SDK1: variants seen among roughly 807,000 people sequenced by gnomAD.
The protein encoded by SDK1 is protein sidekick-1.
Under a neutral mutation model 245.5 loss-of-function variants are expected in SDK1, and 157 were observed. The ratio of observed to expected loss-of-function variants is 0.64; its 90% confidence interval spans 0.56 to 0.73. The LOEUF is 0.73. Ranked by LOEUF, SDK1 falls within the 30% of genes least tolerant of loss-of-function variation. The pLI, the probability that SDK1 is intolerant of heterozygous loss-of-function variation, is 0.00. For missense variants in SDK1, 3,583 were observed against 3,002.3 expected (o/e 1.19, Z -4.52); for synonymous variants, 1,647 against 1,278.5 (o/e 1.29, Z -6.15).
chr7:4,142,387 GAC>G (rs1306945855), intron 28 of SDK1, among the ~76,000 whole-genome samples: 2 of 152,054 alleles, frequency 1.3e-5, no homozygotes, highest in Non-Finnish European at 2.9e-5. Context: ...GGAGTGCAGT[GAC>G]GTGATCTCGG....
intron 7 of SDK1, among the ~76,000 whole-genome samples, chr7:3,957,256 G>T (rs947478147): frequency 6.6e-6 from 1 of 152,218 alleles, no homozygotes; most frequent in African/African-American, 2.4e-5. Context: ...TGTTGCATGG[G>T]ACGTGCATGT....
chr7:4,046,208 C>G (rs1007297755), intron 17 of SDK1, among the ~76,000 whole-genome samples: 2 of 152,142 alleles, frequency 1.3e-5, no homozygotes, highest in African/African-American at 4.8e-5. Flanking sequence ...TCCCAAAGTT[C>G]TGGCATTCCA....
intron 35 of SDK1, among the ~76,000 whole-genome samples, chr7:4,195,735 G>A (rs2128224092): frequency 6.6e-6 from 1 of 152,238 alleles, no homozygotes; most frequent in South Asian, 2.1e-4. Context: ...TTGCCTGCAG[G>A]GCTGCAGAGA....
chr7:3,669,321 C>A (rs1237716930), intron 4 of SDK1, among the ~76,000 whole-genome samples: 1 of 152,126 alleles, frequency 6.6e-6, no homozygotes, highest in Admixed American at 6.5e-5. Flanking sequence ...TAACTACAGA[C>A]CTTGTTGCAG....
At chr7:4,067,723 G>A in intron 19 of SDK1, 115 bp from the exon 20 acceptor site, 1 of 693,492 alleles carries the variant, frequency 1.4e-6, no homozygotes, top group Non-Finnish European at 2.5e-6. Context: ...CTCCTGCAGG[G>A]TTTTGCAGCC....
At chr7:3,345,605 T>TA (rs1375436494) in intron 1 of SDK1, among the ~76,000 whole-genome samples, 1 of 152,076 alleles carries the variant, frequency 6.6e-6, no homozygotes, top group Non-Finnish European at 1.5e-5. Flanking sequence ...AAGATGGGAG[T>TA]ATAGTAACAT....
intron 5 of SDK1, among the ~76,000 whole-genome samples, chr7:3,833,418 C>T (rs1161745786): frequency 1.3e-5 from 2 of 152,210 alleles, no homozygotes; most frequent in Non-Finnish European, 2.9e-5. Flanking sequence ...GGTTGAATTT[C>T]ACAAAGGCTT....
In SDK1 at chr7:3,459,315, C is replaced by A; in HGVS notation, c.298+157431C>A. Among the ~76,000 whole-genome samples the A allele has an allele frequency of 1.3e-5, 2 of 152,078 alleles. 1 individual carries two copies. Among genetic ancestry groups the A allele is most frequent in the Non-Finnish European group, 2.9e-5 (2 of 68,016 alleles). On this transcript the variant is annotated intron_variant, in intron 1 of 44. Transcript: ENST00000404826. ...CAGTTGTCATACTTTTTGTATGGCT[C>A]ATCACTTTTAAATGTTGCTGGTTTC... is the stretch of plus-strand genomic sequence containing the variant.
intron 9 of SDK1, among the ~76,000 whole-genome samples, chr7:3,966,275 G>A (rs1394057004): frequency 6.6e-6 from 1 of 152,172 alleles, no homozygotes; most frequent in Non-Finnish European, 1.5e-5. Flanking sequence ...TTCTCAGCAG[G>A]TGCAGGCAGA....
chr7:4,229,068 A>T lies in SDK1; in HGVS notation c.5828-4187A>T, dbSNP rs185169404. Among the ~76,000 whole-genome samples, 379 of 152,350 alleles carry T rather than the reference A, an allele frequency of 2.5e-3. 1 individual carries two copies. The highest frequency in any genetic ancestry group is 8.9e-3 in the African/African-American group (369 of 41,576). On this transcript the variant is annotated intron_variant, in intron 40 of 44. Transcript: ENST00000404826. ...CAGAACATGGAAAAATTGGTTGCAT[A>T]AATCTCATTTTTGCTAATAGTTCTG... is the stretch of plus-strand genomic sequence containing the variant.
intron 4 of SDK1, among the ~76,000 whole-genome samples, chr7:3,791,349 G>T (rs1292037549): frequency 1.6e-4 from 24 of 152,142 alleles, no homozygotes; most frequent in Admixed American, 1.6e-3. Context: ...AATTATTTAG[G>T]TATCGGGGCT....
intron 1 of SDK1, among the ~76,000 whole-genome samples, chr7:3,568,603 A>G (rs182911137): frequency 3.3e-5 from 5 of 152,304 alleles, no homozygotes; most frequent in East Asian, 3.9e-4. Context: ...ATTGATCACT[A>G]CATTCTAGAG....
At chr7:3,302,218 C>T (rs1177668415) in intron 1 of SDK1, 1 of 153,156 alleles carries the variant, frequency 6.5e-6, no homozygotes, top group African/African-American at 2.4e-5. Flanking sequence ...GAAAAAGGGG[C>T]TGGTCTGTAC....
At chr7:3,812,263 A>G (rs965777259) in intron 4 of SDK1, among the ~76,000 whole-genome samples, 1 of 152,190 alleles carries the variant, frequency 6.6e-6, no homozygotes, top group African/African-American at 2.4e-5. Context: ...ATACTTAGAG[A>G]TTCCCTTCTT....
chr7:3,547,255 CTG>C (rs1412297255), intron 1 of SDK1, among the ~76,000 whole-genome samples: 2 of 152,100 alleles, frequency 1.3e-5, no homozygotes, highest in Admixed American at 1.3e-4. Flanking sequence ...TGGATAAAAA[CTG>C]TAATTTAACA....
chr7:3,992,430 G>T (rs1314189488), intron 14 of SDK1, among the ~76,000 whole-genome samples: 1 of 152,134 alleles, frequency 6.6e-6, no homozygotes, highest in Non-Finnish European at 1.5e-5. Context: ...CCTAGGCCTG[G>T]GTCAAGGCAC....
chr7:3,703,557 CAT>C (rs538461659), intron 4 of SDK1, among the ~76,000 whole-genome samples: 105 of 152,214 alleles, frequency 6.9e-4, no homozygotes, highest in South Asian at 4.1e-4. Flanking sequence ...GTCAGCTACA[CAT>C]GTGATAAAGT....
intron 29 of SDK1, among the ~76,000 whole-genome samples, chr7:4,147,671 C>T (rs1363088887): frequency 6.6e-6 from 1 of 152,102 alleles, no homozygotes; most frequent in African/African-American, 2.4e-5. Context: ...GCCACAGACA[C>T]CCGAGGTGCT....
chr7:4,137,110 TC>T (rs1189852482), intron 28 of SDK1, among the ~76,000 whole-genome samples: 1 of 152,168 alleles, frequency 6.6e-6, no homozygotes, highest in African/African-American at 2.4e-5. Flanking sequence ...GCCTTTTGTT[TC>T]CCAGGGAAGT....
Sources: allele counts gnomAD v4.1 joint callset (sites outside exome capture counted in the v4.1 genomes callset), GRCh38; gene constraint gnomAD v4.1.1; transcripts MANE v1.5; gene names NCBI Gene and HGNC (gene_info 2026-07-23, HGNC 2026-07-21).